The following ENPP2 variants were observed in gnomAD, a reference collection of about 807,000 sequenced individuals.
The protein encoded by ENPP2 is autotaxin.
Under a neutral mutation model 120.2 loss-of-function variants are expected in ENPP2, and 51 were observed. The ratio of observed to expected loss-of-function variants is 0.42; its 90% CI spans 0.34 to 0.54. The LOEUF (loss-of-function observed/expected upper bound fraction) is 0.54. ENPP2 is among the 20% of genes least tolerant of loss of function. The probability of loss-of-function intolerance (pLI) is 0.04; values close to 1 mark genes in which losing one functional copy is unlikely to be tolerated. For missense variants in ENPP2, 920 were observed against 1,066.5 expected (o/e 0.86, Z 1.91); for synonymous variants, 365 against 366.4 (o/e 1.00, Z 0.04).
At chr8:119,557,925 C>T (rs1200737070) in intron 24 of ENPP2, among the ~76,000 whole-genome samples, 2 of 152,256 alleles carry the variant, frequency 1.3e-5, no homozygotes, top group South Asian at 2.1e-4. Flanking sequence ...ACCAAATAAA[C>T]GAGACATGTG....
chr8:119,661,471 G>T (rs930715815), intron 1 of ENPP2, among the ~76,000 whole-genome samples: 1 of 152,010 alleles, frequency 6.6e-6, no homozygotes, highest in Non-Finnish European at 1.5e-5. Context: ...ATATCACCTC[G>T]GACCTGTTAG....
At chr8:119,604,006 C>CTT (rs1814503444) in intron 9 of ENPP2, among the ~76,000 whole-genome samples, 2 of 102,504 alleles carry the variant, frequency 2.0e-5, no homozygotes, top group South Asian at 9.9e-4. Flanking sequence ...ACCTCTCAAT[C>CTT]TCTCTCTTTT....
intron 18 of ENPP2, among the ~76,000 whole-genome samples, chr8:119,582,201 A>G (rs925473563): frequency 1.3e-5 from 2 of 152,260 alleles, no homozygotes; most frequent in African/African-American, 4.8e-5. Flanking sequence ...CATGGTCTAT[A>G]CCTGTGCTAT....
rs752158812 is a variant in ENPP2 at position 119,600,720 on chromosome 8, T to C, written c.930A>G (p.Gln310=). Residue 310 remains glutamine, a synonymous_variant, in exon 11 of 25, where the codon CAA becomes CAG. Coordinates refer to ENST00000075322, the MANE Select transcript of ENPP2 (RefSeq NM_001040092.3). ...RPSVYAFYSE[Q]PDFSGHKYGP... Reference sequence around the variant, plus strand: ...CATATTTGTGTCCAGAGAAATCAGGTTGCTCAGAATAGAAGGCATAGACCG... The same window carrying C: ...CATATTTGTGTCCAGAGAAATCAGGCTGCTCAGAATAGAAGGCATAGACCG... 1.4e-5 allele frequency: 22 copies of C among 1,612,952 alleles called. No individual in the cohort carries two copies. In the Middle Eastern group the frequency reaches 4.9e-4, roughly 36 times the overall value.
chr8:119,602,432 G>A, intron 9 of ENPP2, among the ~76,000 whole-genome samples: 1 of 148,456 alleles, frequency 6.7e-6, no homozygotes, highest in Admixed American at 6.7e-5. Context: ...ACTACAGCCT[G>A]GGCAACAAGA....
chr8:119,577,727 A>G (rs1456299733), intron 19 of ENPP2, among the ~76,000 whole-genome samples: 3 of 152,198 alleles, frequency 2.0e-5, no homozygotes, highest in Non-Finnish European at 2.9e-5. Flanking sequence ...ACCACTTTGA[A>G]GCCATGAATT....
At chr8:119,577,742 A>T (rs1381425013) in intron 19 of ENPP2, among the ~76,000 whole-genome samples, 1 of 151,634 alleles carries the variant, frequency 6.6e-6, no homozygotes, top group Non-Finnish European at 1.5e-5. Flanking sequence ...TGAATTAGAA[A>T]CTCTCAGTGG....
intron 1 of ENPP2, among the ~76,000 whole-genome samples, chr8:119,664,471 C>T (rs1012503081): frequency 6.6e-6 from 1 of 151,760 alleles, no homozygotes; most frequent in Admixed American, 6.5e-5. Context: ...AGCCGTGAAA[C>T]TGCAAAGCAC....
intron 11 of ENPP2, 138 bp from the exon 12 acceptor site, chr8:119,593,998 CT>C (rs1279688284): frequency 4.5e-6 from 3 of 664,204 alleles, no homozygotes; most frequent in Non-Finnish European, 2.7e-6. Context: ...GGAGATTTGC[CT>C]GCCATTCTTA....
At chr8:119,613,586 AC>A (rs1381673746) in intron 8 of ENPP2, among the ~76,000 whole-genome samples, 2 of 152,158 alleles carry the variant, frequency 1.3e-5, no homozygotes, top group African/African-American at 4.8e-5. Context: ...AAATTATAAG[AC>A]TTTTATAAAT....
Position 119,557,449 on chromosome 8 carries a change from A to C in ENPP2, c.*72T>G, listed in dbSNP as rs1179845603. On this transcript the variant is annotated 3_prime_UTR_variant, in exon 25 of 25. Transcript: ENST00000075322. ...TAACATTTTTAATGTCCTGGTTTCA[A>C]ATTAATAAATACAAAAACAATATAA... 7.8e-7 allele frequency: 1 copy of C among 1,287,644 alleles called. No homozygotes were observed. The highest frequency in any genetic ancestry group is 2.2e-5 in the Admixed American group (1 of 44,626). 79.8% of individuals were successfully genotyped at this position (1,287,644 alleles called of 1,614,324 possible).
intron 4 of ENPP2, among the ~76,000 whole-genome samples, 184 bp from the exon 5 acceptor site, chr8:119,619,488 T>C (rs1815732455): frequency 6.6e-6 from 1 of 151,852 alleles, no homozygotes; most frequent in Non-Finnish European, 1.5e-5. Context: ...CCATACATGA[T>C]GGGAAAGCTA....
intron 1 of ENPP2, among the ~76,000 whole-genome samples, chr8:119,648,336 T>C (rs1817533305): frequency 6.6e-6 from 1 of 152,166 alleles, no homozygotes; most frequent in South Asian, 2.1e-4. Flanking sequence ...AATCCCTTTA[T>C]TTATGGAGAG....
At chr8:119,574,493 G>A (rs1812199627) in intron 19 of ENPP2, among the ~76,000 whole-genome samples, 1 of 151,782 alleles carries the variant, frequency 6.6e-6, no homozygotes, top group African/African-American at 2.4e-5. Context: ...AGTGTCTCTG[G>A]CAGTTTTGGT....
chr8:119,580,252 C>A, intron 18 of ENPP2, 85 bp from the exon 19 acceptor site: 1 of 1,035,642 alleles, frequency 9.7e-7, no homozygotes, highest in Non-Finnish European at 1.5e-6. Flanking sequence ...GACTTAGCAC[C>A]CTGCTAAATT....
chr8:119,672,917 G>T (rs1437304730), intron 1 of ENPP2, among the ~76,000 whole-genome samples: 1 of 152,224 alleles, frequency 6.6e-6, no homozygotes, highest in Admixed American at 6.5e-5. Context: ...AGCTTGCAGT[G>T]CCCTGCGGCT....
intron 23 of ENPP2, among the ~76,000 whole-genome samples, chr8:119,564,565 T>G (rs1814240872): frequency 6.6e-6 from 1 of 151,978 alleles, no homozygotes; most frequent in East Asian, 1.9e-4. Flanking sequence ...GTAATCCCAG[T>G]TACTCAGGAG....
chr8:119,574,468 T>C (rs1361042975), intron 19 of ENPP2, among the ~76,000 whole-genome samples: 2 of 151,818 alleles, frequency 1.3e-5, no homozygotes, highest in Non-Finnish European at 2.9e-5. Context: ...CACACCCCAG[T>C]TCCCTGTTTA....
In ENPP2 at chr8:119,582,851, C is replaced by T. The variant is rs1563693297; in HGVS notation, c.1544-249G>A. On this transcript the variant is annotated intron_variant, in intron 17 of 24. Transcript: ENST00000075322. Reference sequence around the variant, plus strand: ...GACCATGAATAGAGAGAGAGAGATTCCCAGAAAGAAAGAGTGAAGGAACAA... The same window carrying T: ...GACCATGAATAGAGAGAGAGAGATTTCCAGAAAGAAAGAGTGAAGGAACAA... Among the ~76,000 whole-genome samples the T allele has an allele frequency of 3.3e-5, 5 of 152,228 alleles. No individual in the cohort carries two copies. The South Asian group carries it at 1.0e-3, about 32-fold the overall frequency.
Sources: allele counts gnomAD v4.1 joint callset (sites outside exome capture counted in the v4.1 genomes callset), GRCh38; gene constraint gnomAD v4.1.1; transcripts MANE v1.5; gene names NCBI Gene and HGNC (gene_info 2026-07-23, HGNC 2026-07-21).